The following KIAA1958 variants were observed in gnomAD, a reference collection of about 807,000 sequenced individuals.
KIAA1958 encodes KIAA1958.
In KIAA1958, 14 loss-of-function variants were observed where a neutral mutation model predicts 47.2. The observed-to-expected ratio is 0.30, with a 90% confidence interval of 0.20 to 0.46. KIAA1958 has a LOEUF of 0.46. Among genes scored for constraint, KIAA1958 ranks in the 20% least tolerant of loss-of-function variants. The pLI is 1.00. For synonymous variants in KIAA1958, 354 were observed against 353.3 expected, an observed-to-expected ratio of 1.00 and a Z score of -0.02; for missense variants, 803 against 909.2, an observed-to-expected ratio of 0.88 and a Z score of 1.50.
chr9:112,617,522 C>T (rs1027516656), intron 2 of KIAA1958, among the ~76,000 whole-genome samples: 3 of 152,186 alleles, frequency 2.0e-5, no homozygotes, highest in Admixed American at 1.3e-4. Flanking sequence ...GGCTCTTGCA[C>T]GCTGCAGTAG....
chr9:112,607,897 G>A (rs370911835), intron 2 of KIAA1958, among the ~76,000 whole-genome samples: 2 of 152,204 alleles, frequency 1.3e-5, no homozygotes, highest in East Asian at 3.8e-4. Flanking sequence ...GAATGAGTAT[G>A]AGTGGAGAAT....
chr9:112,537,485 A>G (rs1026548950), intron 1 of KIAA1958, among the ~76,000 whole-genome samples: 3 of 152,254 alleles, frequency 2.0e-5, no homozygotes, highest in Admixed American at 6.5e-5. Flanking sequence ...TAAGGCTAAG[A>G]TAGACAACCA....
chr9:112,508,978 A>G (rs1815397014), intron 1 of KIAA1958, among the ~76,000 whole-genome samples: 1 of 152,200 alleles, frequency 6.6e-6, no homozygotes, highest in South Asian at 2.1e-4. Context: ...ATTATTTGAT[A>G]AAGAAGATAC....
intron 2 of KIAA1958, among the ~76,000 whole-genome samples, chr9:112,591,849 TATAAA>T (rs369066595): frequency 9.0e-4 from 137 of 152,344 alleles, no homozygotes; most frequent in African/African-American, 3.2e-3. Flanking sequence ...AGCACTCGAA[TATAAA>T]ATTTTCTTTT....
intron 2 of KIAA1958, among the ~76,000 whole-genome samples, chr9:112,585,914 TC>T (rs1389145686): frequency 6.6e-6 from 1 of 152,216 alleles, no homozygotes; most frequent in African/African-American, 2.4e-5. Context: ...CATGTAATGA[TC>T]ATCCATTCAT....
At chr9:112,497,906 A>T (rs1834071307) in intron 1 of KIAA1958, among the ~76,000 whole-genome samples, 1 of 152,040 alleles carries the variant, frequency 6.6e-6, no homozygotes, top group East Asian at 1.9e-4. Context: ...TTTATTTTTA[A>T]GTAGTTTTTT....
At chr9:112,586,190 A>G (rs993401967) in intron 2 of KIAA1958, among the ~76,000 whole-genome samples, 1 of 152,246 alleles carries the variant, frequency 6.6e-6, no homozygotes, top group Non-Finnish European at 1.5e-5. Context: ...TGATATATGA[A>G]TAACAGTGGT....
At chr9:112,628,775 T>A (rs973437013) in intron 2 of KIAA1958, among the ~76,000 whole-genome samples, 26 of 152,210 alleles carry the variant, frequency 1.7e-4, no homozygotes, top group African/African-American at 3.6e-4. Context: ...CAAAAAAATA[T>A]ATATATATTT....
intron 2 of KIAA1958, among the ~76,000 whole-genome samples, chr9:112,623,997 G>A (rs9299209): frequency 0.011 from 1,713 of 152,110 alleles, 23 homozygotes; most frequent in African/African-American, 0.034. Flanking sequence ...GGTATATTTT[G>A]ATCCTTATTT....
chr9:112,615,419 CA>C (rs35748661), intron 2 of KIAA1958, among the ~76,000 whole-genome samples: 147 of 103,524 alleles, frequency 1.4e-3, no homozygotes, highest in African/African-American at 5.0e-3. Context: ...GGCTCCGTCT[CA>C]AAAAAAAAAA....
chr9:112,594,749 A>C (rs1383123241), intron 2 of KIAA1958, among the ~76,000 whole-genome samples: 2 of 152,198 alleles, frequency 1.3e-5, no homozygotes, highest in Admixed American at 6.5e-5. Flanking sequence ...TATACCTAGG[A>C]GTGAACTTGA....
intron 2 of KIAA1958, among the ~76,000 whole-genome samples, chr9:112,597,213 G>T (rs1443082175): frequency 6.6e-6 from 1 of 152,170 alleles, no homozygotes; most frequent in East Asian, 1.9e-4. Context: ...GTCATATGCT[G>T]TTGGCTCTCT....
chr9:112,655,428 AAAG>A (rs1351073896), intron 3 of KIAA1958, among the ~76,000 whole-genome samples: 1 of 152,164 alleles, frequency 6.6e-6, no homozygotes, highest in Non-Finnish European at 1.5e-5. Context: ...TAAAACAAAA[AAAG>A]AGATTGAATC....
At chr9:112,624,184 T>C (rs1195454793) in intron 2 of KIAA1958, among the ~76,000 whole-genome samples, 1 of 152,192 alleles carries the variant, frequency 6.6e-6, no homozygotes, top group Non-Finnish European at 1.5e-5. Context: ...CTGAAAGAAT[T>C]AGCAAGTTCT....
chr9:112,623,711 T>C (rs770945997), intron 2 of KIAA1958, among the ~76,000 whole-genome samples: 1 of 152,206 alleles, frequency 6.6e-6, no homozygotes, highest in Non-Finnish European at 1.5e-5. Context: ...GGCAAGTGTG[T>C]ATATGTGTAT....
At chr9:112,602,339 T>A (rs998834533) in intron 2 of KIAA1958, among the ~76,000 whole-genome samples, 1 of 152,190 alleles carries the variant, frequency 6.6e-6, no homozygotes, top group African/African-American at 2.4e-5. Flanking sequence ...AAATTGAAGT[T>A]GGCCTATTTC....
At chr9:112,577,692 TA>T (rs1238623915) in intron 2 of KIAA1958, among the ~76,000 whole-genome samples, 1 of 152,030 alleles carries the variant, frequency 6.6e-6, no homozygotes, top group African/African-American at 2.4e-5. Flanking sequence ...TTGTGGATAG[TA>T]AATGAGGCAC....
At chr9:112,498,354 A>G (rs755900763) in intron 1 of KIAA1958, among the ~76,000 whole-genome samples, 33 of 152,158 alleles carry the variant, frequency 2.2e-4, no homozygotes, top group Non-Finnish European at 4.1e-4. Flanking sequence ...GAACCCAAGC[A>G]GATATGGAGA....
At chr9:112,565,873 A>C (rs1161595299) in intron 1 of KIAA1958, among the ~76,000 whole-genome samples, 1 of 152,230 alleles carries the variant, frequency 6.6e-6, no homozygotes, top group Non-Finnish European at 1.5e-5. Context: ...ATATAATAAA[A>C]GCAACTTAAT....
Sources: allele counts gnomAD v4.1 joint callset (sites outside exome capture counted in the v4.1 genomes callset), GRCh38; gene constraint gnomAD v4.1.1; transcripts MANE v1.5; gene names NCBI Gene and HGNC (gene_info 2026-07-23, HGNC 2026-07-21).